The following ATF3 variants were observed in gnomAD, a reference collection of about 807,000 sequenced individuals.
ATF3 encodes the protein cyclic AMP-dependent transcription factor ATF-3.
Under a neutral mutation model 18.4 loss-of-function variants are expected in ATF3, and 10 were observed. That is an observed-to-expected ratio of 0.54 (90% confidence interval 0.34 to 0.92). The LOEUF is 0.92. Ranked by LOEUF, ATF3 falls within the 40% of genes least tolerant of loss-of-function variation. The probability of loss-of-function intolerance (pLI) is 0.02; values close to 1 mark genes in which losing one functional copy is unlikely to be tolerated. For missense variants in ATF3, 183 were observed against 222.3 expected, an observed-to-expected ratio of 0.82 and a Z score of 1.12; for synonymous variants, 78 against 87.9, an observed-to-expected ratio of 0.89 and a Z score of 0.63.
chr1:212,613,879 C>T (rs779500152), intron 1 of ATF3: 1 of 152,188 alleles, frequency 6.6e-6, no homozygotes, highest in Non-Finnish European at 1.5e-5. Flanking sequence ...TTTTGTCATC[C>T]TTTTGGGTTC....
chr1:212,593,734 C>G (rs12066352), intron 1 of ATF3, among the ~76,000 whole-genome samples: 4 of 130,906 alleles, frequency 3.1e-5, no homozygotes, highest in African/African-American at 5.6e-5. Context: ...GAGAGAGACC[C>G]TGTCTCTTTA....
Position 212,618,074 on chromosome 1 carries a change from G to A in ATF3, c.241-53G>A. On this transcript the variant is annotated intron_variant, in intron 2 of 3. Transcript: ENST00000341491. This position sits in a 1 kb window ranked among gnomAD's most constrained non-coding sequence, Gnocchi z 4.4. The stretch of plus-strand genomic sequence containing the variant: ...TGGCAGTAAAAGGCAGTGTATTTGA[G>A]GTAGGTGGCATTTCTTACTGCCCTT... The A allele has an allele frequency of 6.4e-7, 1 of 1,571,096 alleles. No individual in the cohort carries two copies. Among genetic ancestry groups the A allele is most frequent in the Non-Finnish European group, 8.8e-7 (1 of 1,142,322 alleles).
At chr1:212,599,399 G>T (rs931414795) in intron 1 of ATF3, among the ~76,000 whole-genome samples, 2 of 152,188 alleles carry the variant, frequency 1.3e-5, no homozygotes, top group South Asian at 4.1e-4. Context: ...AAGCTAGCTG[G>T]AATAAATATT....
At chr1:212,580,189 T>C (rs1664656748) in intron 1 of ATF3, among the ~76,000 whole-genome samples, 1 of 151,730 alleles carries the variant, frequency 6.6e-6, no homozygotes, top group Admixed American at 6.6e-5. Flanking sequence ...AGTTGTAGAG[T>C]TGTTTGTTAC....
intron 2 of ATF3, 46 bp downstream of exon 2, chr1:212,615,307 C>T (rs761334028): frequency 1.2e-4 from 188 of 1,587,792 alleles, no homozygotes; most frequent in Middle Eastern, 1.8e-4. Context: ...ATGTTTCGCT[C>T]GCAGCCACTG....
At chr1:212,602,075 A>T (rs890297121) in intron 1 of ATF3, among the ~76,000 whole-genome samples, 2 of 152,038 alleles carry the variant, frequency 1.3e-5, no homozygotes, top group African/African-American at 4.8e-5. Flanking sequence ...CTCATTTTAC[A>T]GGAGAAACTG....
At chr1:212,603,424 A>T (rs533702787) in intron 1 of ATF3, among the ~76,000 whole-genome samples, 46 of 152,344 alleles carry the variant, frequency 3.0e-4, no homozygotes, top group African/African-American at 1.1e-3. Flanking sequence ...ATGCACAAGT[A>T]GTCACAATCT....
At chr1:212,592,420 A>G (rs1374847162) in intron 1 of ATF3, among the ~76,000 whole-genome samples, 1 of 149,066 alleles carries the variant, frequency 6.7e-6, no homozygotes, top group Non-Finnish European at 1.5e-5. Flanking sequence ...ACGTTTCCAA[A>G]AGTATGTCTT....
chr1:212,567,793 T>A (rs1664410615), intron 1 of ATF3, among the ~76,000 whole-genome samples: 1 of 152,146 alleles, frequency 6.6e-6, no homozygotes, highest in African/African-American at 2.4e-5. Flanking sequence ...GACTGGGAAA[T>A]GTCTTCTTAA....
At chr1:212,572,057 T>G (rs923601141) in intron 1 of ATF3, among the ~76,000 whole-genome samples, 1 of 152,216 alleles carries the variant, frequency 6.6e-6, no homozygotes, top group African/African-American at 2.4e-5. Flanking sequence ...TTATTTACCA[T>G]AAAGTTCTCA....
chr1:212,584,327 T>C (rs1189328434), intron 1 of ATF3, among the ~76,000 whole-genome samples: 2 of 151,936 alleles, frequency 1.3e-5, no homozygotes, highest in African/African-American at 4.8e-5. Flanking sequence ...GTATAAGAGA[T>C]TTATTGTAAG....
upstream of ATF3, among the ~76,000 whole-genome samples, chr1:212,608,382 A>T (rs1329822176): frequency 6.6e-6 from 1 of 151,078 alleles, no homozygotes; most frequent in African/African-American, 2.4e-5. Flanking sequence ...AGCGCGGTGG[A>T]GTCATGCCGC....
chr1:212,586,737 C>A (rs953443226), intron 1 of ATF3, among the ~76,000 whole-genome samples: 1 of 152,242 alleles, frequency 6.6e-6, no homozygotes, highest in African/African-American at 2.4e-5. Context: ...GAGCTGGCAA[C>A]ATGCCCCAGT....
At position 212,618,411 on chromosome 1, in the gene ATF3, A is replaced by C; in HGVS notation, c.348+177A>C. ...ATGAGGAGGTGGCAAAGCAGTTAACACAATGGATGTGACGGTGGATGTATA... is the reference window on the plus strand; with the variant it reads ...ATGAGGAGGTGGCAAAGCAGTTAACCCAATGGATGTGACGGTGGATGTATA... On this transcript the variant is annotated intron_variant, in intron 3 of 3. Coordinates refer to ENST00000341491, the MANE Select transcript of ATF3 (RefSeq NM_001674.4). This position sits in a 1 kb window ranked among gnomAD's most constrained non-coding sequence, Gnocchi z 4.4. The C allele has an allele frequency of 1.4e-6, 1 of 715,380 alleles. No individual in the cohort carries two copies. The highest frequency in any genetic ancestry group is 2.5e-6 in the Non-Finnish European group (1 of 395,280). 44.3% of individuals were successfully genotyped at this position (715,380 alleles called of 1,614,324 possible). A position where few individuals can be genotyped will look rare whatever the true frequency, so the allele number is the denominator to read the frequency against.
intron 1 of ATF3, among the ~76,000 whole-genome samples, chr1:212,588,982 A>G (rs1232134574): frequency 1.3e-5 from 2 of 152,238 alleles, no homozygotes; most frequent in East Asian, 1.9e-4. Context: ...AGACATATTT[A>G]TATTTTTAAA....
intron 1 of ATF3, among the ~76,000 whole-genome samples, chr1:212,597,605 TG>T (rs1257742331): frequency 6.6e-6 from 1 of 152,186 alleles, no homozygotes; most frequent in Admixed American, 6.5e-5. Flanking sequence ...TTGAGACTCT[TG>T]CTGCCTTCTG....
At chr1:212,606,910 GT>G (rs1277655628), upstream of ATF3, among the ~76,000 whole-genome samples, 2 of 152,336 alleles carry the variant, frequency 1.3e-5, no homozygotes, top group Non-Finnish European at 2.9e-5. Flanking sequence ...GCGCGCGGGG[GT>G]GAGGGCGTGG....
In ATF3 at chr1:212,618,922, G is replaced by A; in HGVS notation, c.349-436G>A. The A allele has an allele frequency of 7.9e-7, 1 of 1,259,968 alleles. No homozygotes were observed. Among genetic ancestry groups the A allele is most frequent in the East Asian group, 2.4e-5 (1 of 41,310 alleles). The allele number at this position is 1,259,968 out of a possible 1,614,324, so 78.0% of individuals were successfully genotyped here. A position where few individuals can be genotyped will look rare whatever the true frequency, so the allele number is the denominator to read the frequency against. On this transcript the variant is annotated intron_variant, in intron 3 of 3. Transcript: ENST00000341491. This position sits in a 1 kb window ranked among gnomAD's most constrained non-coding sequence, Gnocchi z 4.4. Reference sequence around the variant, plus strand: ...CAAAAGTTCTGTTGATTGCTTCAGGGGATCAGTGAAAATTAGGGAATTTTG... The same window carrying A: ...CAAAAGTTCTGTTGATTGCTTCAGGAGATCAGTGAAAATTAGGGAATTTTG...
intron 1 of ATF3, among the ~76,000 whole-genome samples, chr1:212,593,542 C>G (rs1478412172): frequency 6.6e-6 from 1 of 151,656 alleles, no homozygotes; most frequent in East Asian, 1.9e-4. Context: ...CAAGACCAGC[C>G]TGGGCACCAA....
Sources: allele counts gnomAD v4.1 joint callset (sites outside exome capture counted in the v4.1 genomes callset), GRCh38; gene constraint gnomAD v4.1.1; non-coding constraint Gnocchi (gnomAD v3.1); transcripts MANE v1.5; gene names NCBI Gene and HGNC (gene_info 2026-07-23, HGNC 2026-07-21).